The following AKAP6 variants were observed in gnomAD, a reference collection of about 807,000 sequenced individuals.
AKAP6 encodes the protein A-kinase anchor protein 6.
In AKAP6, 58 loss-of-function variants were observed where a neutral mutation model predicts 188.5. That is an observed-to-expected ratio of 0.31 (90% CI 0.25 to 0.38). The LOEUF (loss-of-function observed/expected upper bound fraction) is 0.38. AKAP6 is among the 10% of genes least tolerant of loss of function. The probability of loss-of-function intolerance (pLI) is 1.00; values close to 1 mark genes in which losing one functional copy is unlikely to be tolerated. For missense variants in AKAP6, 2,710 were observed against 2,740.0 expected (o/e 0.99, Z 0.24); for synonymous variants, 989 against 998.6 (o/e 0.99, Z 0.18).
chr14:32,810,649 G>A (rs12589644), intron 12 of AKAP6, among the ~76,000 whole-genome samples: 60,473 of 151,964 alleles, frequency 0.4, 12,124 homozygotes, highest in Non-Finnish European at 0.42. Flanking sequence ...AACCTTTCTA[G>A]CATCAGTGTA....
intron 2 of AKAP6, among the ~76,000 whole-genome samples, chr14:32,504,695 G>A (rs1880777138): frequency 6.6e-6 from 1 of 152,116 alleles, no homozygotes; most frequent in African/African-American, 2.4e-5. Context: ...TTGAATAATG[G>A]TAGGCTTACC....
chr14:32,682,464 G>T (rs1889719138), intron 8 of AKAP6, among the ~76,000 whole-genome samples: 1 of 152,212 alleles, frequency 6.6e-6, no homozygotes, highest in South Asian at 2.1e-4. Context: ...CAAGTGCTAG[G>T]TACCCAGTAA....
chr14:32,622,564 A>G (rs897971989), intron 7 of AKAP6, among the ~76,000 whole-genome samples: 1 of 152,188 alleles, frequency 6.6e-6, no homozygotes, highest in Admixed American at 6.6e-5. Context: ...CTGCAAATGA[A>G]TGATAATCCT....
At position 32,824,234 on chromosome 14, in the gene AKAP6, A is replaced by T. The variant is rs2034615286; in HGVS notation, c.6421A>T (p.Thr2141Ser). The change falls in exon 13 of 14, where the codon ACC becomes TCC. Residue 2141 changes from threonine (T) to serine (S), a missense_variant. Physicochemically the swap from Thr to Ser is moderately conservative, Grantham distance 58 (BLOSUM62 1). Around this residue, in one of 2 missense-constraint regions of AKAP6, gnomAD observed 2,473 missense variants for 2,426.1 expected, o/e 1.02. Coordinates refer to ENST00000280979, the MANE Select transcript of AKAP6 (RefSeq NM_004274.5). ...AAGCAGCACTCCATTGCCACTAGAC[A>T]CCACTGACTCGGGCTTAGATGACAA... ...EKSSTPLPLD[T>S]TDSGLDDKED... 1 of 1,613,938 alleles carries T rather than the reference A, an allele frequency of 6.2e-7. No individual in the cohort carries two copies. Among genetic ancestry groups the T allele is most frequent in the African/African-American group, 1.3e-5 (1 of 75,008 alleles).
chr14:32,678,581 C>G (rs1889538356), intron 8 of AKAP6, 122 bp downstream of exon 8: 1 of 1,097,352 alleles, frequency 9.1e-7, no homozygotes, highest in Non-Finnish European at 1.3e-6. Flanking sequence ...GCTCAGTAGA[C>G]TAGGCATTAA....
intron 2 of AKAP6, among the ~76,000 whole-genome samples, chr14:32,514,309 A>C (rs1224142893): frequency 6.6e-6 from 1 of 152,244 alleles, no homozygotes; most frequent in East Asian, 1.9e-4. Context: ...CTCTCAACAG[A>C]CATACTGTAG....
chr14:32,690,253 G>C (rs1890122773), intron 8 of AKAP6, among the ~76,000 whole-genome samples: 1 of 151,332 alleles, frequency 6.6e-6, no homozygotes, highest in Admixed American at 6.6e-5. Flanking sequence ...AGTGAGCCCA[G>C]TTGAAACCTC....
At chr14:32,330,120 A>G (rs914139852) in intron 1 of AKAP6, among the ~76,000 whole-genome samples, 1 of 152,042 alleles carries the variant, frequency 6.6e-6, no homozygotes, top group Non-Finnish European at 1.5e-5. Context: ...TGTAACTGAG[A>G]AAGGAACAAG....
rs781413942 is a variant in AKAP6, at chr14:32,433,865, T to G, written c.324+48T>G. On this transcript the variant is annotated intron_variant, in intron 2 of 13. Coordinates refer to ENST00000280979, the MANE Select transcript of AKAP6 (RefSeq NM_004274.5). ...CTCAGGATAGAAGTTTTCAAAAGGCTGTGGCACCTAGAGACTGTGTTCTGT... is the reference window on the plus strand; with the variant it reads ...CTCAGGATAGAAGTTTTCAAAAGGCGGTGGCACCTAGAGACTGTGTTCTGT... 6 of 1,542,662 alleles carry G rather than the reference T, an allele frequency of 3.9e-6. No individual in the cohort carries two copies. In the East Asian group the frequency reaches 1.4e-4, roughly 35 times the overall value.
intron 8 of AKAP6, among the ~76,000 whole-genome samples, chr14:32,691,260 T>C (rs915059920): frequency 2.0e-5 from 3 of 152,202 alleles, no homozygotes; most frequent in African/African-American, 7.2e-5. Flanking sequence ...ATTCAGCTGA[T>C]AGAATCAGCA....
chr14:32,483,828 G>A (rs540464436), intron 2 of AKAP6, among the ~76,000 whole-genome samples: 5 of 152,024 alleles, frequency 3.3e-5, no homozygotes, highest in Admixed American at 6.6e-5. Context: ...TATGCAGAAC[G>A]TGCAGGTTTG....
At chr14:32,463,766 G>A (rs972531371) in intron 2 of AKAP6, among the ~76,000 whole-genome samples, 4 of 152,116 alleles carry the variant, frequency 2.6e-5, no homozygotes, top group Admixed American at 6.5e-5. Flanking sequence ...GAAGGAGATA[G>A]AGACACAAAA....
At chr14:32,562,753 A>T (rs2139212822) in intron 4 of AKAP6, among the ~76,000 whole-genome samples, 1 of 152,260 alleles carries the variant, frequency 6.6e-6, no homozygotes, top group Non-Finnish European at 1.5e-5. Context: ...GCGAGACTCC[A>T]TATAAATAAA....
chr14:32,685,540 T>C lies in AKAP6; in HGVS notation c.2879+7081T>C, dbSNP rs1327945509. On this transcript the variant is annotated intron_variant, in intron 8 of 13. Transcript: ENST00000280979. ...GAGATCGAGACCATCCTGGCCAACA[T>C]GGTGAAACCCCATCTCTACTAAACA... Among the ~76,000 whole-genome samples, 7 of 151,738 alleles carry C rather than the reference T, an allele frequency of 4.6e-5. No individual in the cohort carries two copies. The East Asian group carries it at 9.8e-4, about 21-fold the overall frequency.
At chr14:32,361,019 G>A (rs1056273859) in intron 1 of AKAP6, among the ~76,000 whole-genome samples, 2 of 144,850 alleles carry the variant, frequency 1.4e-5, no homozygotes, top group African/African-American at 5.0e-5. Flanking sequence ...AAAGTGCTGG[G>A]ATTATAGGTG....
chr14:32,496,216 T>C (rs561564382), intron 2 of AKAP6, among the ~76,000 whole-genome samples: 58 of 152,302 alleles, frequency 3.8e-4, no homozygotes, highest in African/African-American at 1.3e-3. Context: ...GGAAAGCTGA[T>C]CACTTTTAAG....
At chr14:32,761,617 GTTC>G (rs1397922671) in intron 11 of AKAP6, among the ~76,000 whole-genome samples, 1 of 152,070 alleles carries the variant, frequency 6.6e-6, no homozygotes, top group East Asian at 1.9e-4. Flanking sequence ...TCGCCTGTGT[GTTC>G]TACATTATCC....
intron 9 of AKAP6, among the ~76,000 whole-genome samples, chr14:32,727,925 C>A (rs1429096863): frequency 6.6e-6 from 1 of 152,176 alleles, no homozygotes. Flanking sequence ...ACTCCATGTG[C>A]AGCATCATAT....
intron 2 of AKAP6, among the ~76,000 whole-genome samples, chr14:32,444,378 C>G (rs1212157096): frequency 6.6e-6 from 1 of 152,086 alleles, no homozygotes; most frequent in African/African-American, 2.4e-5. Context: ...ACTTATATGT[C>G]TCTTGTCACT....
Sources: allele counts gnomAD v4.1 joint callset (sites outside exome capture counted in the v4.1 genomes callset), GRCh38; gene constraint gnomAD v4.1.1; regional missense constraint gnomAD v4.1.1; transcripts MANE v1.5; gene names NCBI Gene and HGNC (gene_info 2026-07-23, HGNC 2026-07-21).